ACSM3: variants seen among roughly 807,000 people sequenced by gnomAD.
ACSM3 encodes acyl-CoA synthetase medium chain family member 3.
ACSM3 carries 61 observed loss-of-function variants against 74.1 expected under a neutral mutation model. The ratio of observed to expected loss-of-function variants is 0.82; its 90% confidence interval spans 0.67 to 1.02. The LOEUF is 1.02. Among genes scored for constraint, ACSM3 ranks in the 50% least tolerant of loss-of-function variants. The pLI is 0.00. For missense variants in ACSM3, 660 were observed against 697.0 expected (o/e 0.95, Z 0.60); for synonymous variants, 213 against 241.5 (o/e 0.88, Z 1.09).
rs911408069 is a variant in ACSM3 at position 20,752,051 on chromosome 16, A to G, written c.-96+2048A>G. Among the ~76,000 whole-genome samples, 8 of 152,216 alleles carry G rather than the reference A, an allele frequency of 5.3e-5. 1 individual carries two copies. Among genetic ancestry groups the G allele is most frequent in the Non-Finnish European group, 1.0e-4 (7 of 68,034 alleles). On this transcript the variant is annotated intron_variant, in intron 2 of 3. Transcript: ENST00000561584. ...GAGAAATAAATGATATGAGCTATCT[A>G]AAACACTTGGCATACAGAAAACATT... is the stretch of plus-strand genomic sequence containing the variant.
intron 1 of ACSM3, among the ~76,000 whole-genome samples, chr16:20,708,365 A>G (rs2079733721): frequency 6.6e-6 from 1 of 152,226 alleles, no homozygotes; most frequent in African/African-American, 2.4e-5. Flanking sequence ...TTTTAATGGA[A>G]TCTTTAGAAT....
chr16:20,781,409 G>GT (rs1400903083), intron 6 of ACSM3, among the ~76,000 whole-genome samples: 1 of 152,058 alleles, frequency 6.6e-6, no homozygotes, highest in Admixed American at 6.6e-5. Context: ...AAAATACCAT[G>GT]TAACAAATAT....
intron 1 of ACSM3, among the ~76,000 whole-genome samples, chr16:20,742,835 C>T (rs1245669584): frequency 1.4e-5 from 2 of 145,498 alleles, no homozygotes; most frequent in Admixed American, 6.8e-5. Flanking sequence ...TCCCTTCTCC[C>T]CTTCCCATTG....
chr16:20,787,356 T>C (rs2080497334), intron 9 of ACSM3, among the ~76,000 whole-genome samples: 1 of 152,194 alleles, frequency 6.6e-6, no homozygotes, highest in Non-Finnish European at 1.5e-5. Flanking sequence ...TCGAACCATT[T>C]TAATTCAGAG....
intron 6 of ACSM3, 127 bp downstream of exon 6, chr16:20,781,257 A>G (rs1596523423): frequency 5.0e-6 from 6 of 1,206,386 alleles, no homozygotes; most frequent in Middle Eastern, 2.0e-4. Flanking sequence ...TCACATCCAG[A>G]AAGTCAATAA....
chr16:20,713,371 T>C (rs372852377), intron 1 of ACSM3, among the ~76,000 whole-genome samples: 1 of 152,290 alleles, frequency 6.6e-6, no homozygotes, highest in East Asian at 1.9e-4. Context: ...AATATACATC[T>C]CCATTAGTAA....
chr16:20,719,718 T>A (rs2079778783), intron 1 of ACSM3, among the ~76,000 whole-genome samples: 1 of 152,220 alleles, frequency 6.6e-6, no homozygotes, highest in African/African-American at 2.4e-5. Context: ...ACTTCATTTC[T>A]AATTCAGTGA....
chr16:20,741,826 G>C (rs1261954932), intron 1 of ACSM3: 15 of 1,539,890 alleles, frequency 9.7e-6, no homozygotes, highest in Non-Finnish European at 1.3e-5. Flanking sequence ...GGTGACGTCG[G>C]ATATGAGCGA....
chr16:20,684,812 T>C (rs960464501), intron 1 of ACSM3, among the ~76,000 whole-genome samples: 1 of 152,046 alleles, frequency 6.6e-6, no homozygotes, highest in African/African-American at 2.4e-5. Context: ...TTTAAAAAAG[T>C]AAGACTCTCT....
intron 2 of ACSM3, among the ~76,000 whole-genome samples, chr16:20,751,716 T>C (rs769275760): frequency 6.6e-5 from 10 of 152,198 alleles, no homozygotes; most frequent in Admixed American, 6.5e-5. Flanking sequence ...AATGGAAAGA[T>C]GGGGTTTCAT....
chr16:20,774,326 C>A (rs935635183), intron 2 of ACSM3, among the ~76,000 whole-genome samples: 1 of 150,288 alleles, frequency 6.7e-6, no homozygotes, highest in Non-Finnish European at 1.5e-5. Flanking sequence ...ACTGCAACCT[C>A]CGCCTCCCGG....
chr16:20,758,361 C>G (rs191224609), intron 3 of ACSM3, among the ~76,000 whole-genome samples: 6 of 152,110 alleles, frequency 3.9e-5, no homozygotes, highest in Admixed American at 6.5e-5. Context: ...GTTTAGCCTT[C>G]GGAGAGTGTA....
chr16:20,751,836 C>T (rs1314457239), intron 2 of ACSM3, among the ~76,000 whole-genome samples: 3 of 152,172 alleles, frequency 2.0e-5, no homozygotes, highest in Non-Finnish European at 4.4e-5. Context: ...TTGTCAAAAT[C>T]TTTGCTCCAG....
intron 7 of ACSM3, 125 bp from the exon 8 acceptor site, chr16:20,784,859 G>A: frequency 9.9e-7 from 1 of 1,010,578 alleles, no homozygotes; most frequent in Non-Finnish European, 1.4e-6. Flanking sequence ...GGTTTGTTTT[G>A]TGCTAGGGAG....
At chr16:20,690,358 G>A (rs2079631899) in intron 1 of ACSM3, among the ~76,000 whole-genome samples, 1 of 152,158 alleles carries the variant, frequency 6.6e-6, no homozygotes, top group Admixed American at 6.5e-5. Context: ...CTTGGTCTGT[G>A]TCTTGTGAGA....
At chr16:20,788,108 A>AT (rs576513584) in intron 9 of ACSM3, among the ~76,000 whole-genome samples, 13 of 151,888 alleles carry the variant, frequency 8.6e-5, no homozygotes, top group Non-Finnish European at 2.9e-5. Flanking sequence ...TTATTTATTT[A>AT]TTTTTTTATT....
At chr16:20,771,746 A>C (rs1208642707) in intron 2 of ACSM3, among the ~76,000 whole-genome samples, 2 of 152,206 alleles carry the variant, frequency 1.3e-5, no homozygotes, top group South Asian at 4.1e-4. Context: ...CTTTGAAAAA[A>C]TACCCAGTGG....
intron 8 of ACSM3, among the ~76,000 whole-genome samples, chr16:20,785,676 GA>G (rs1161683852): frequency 1.3e-5 from 2 of 151,948 alleles, no homozygotes; most frequent in African/African-American, 4.8e-5. Flanking sequence ...ATAGATAAGG[GA>G]AAAGTTGAAA....
Position 20,781,142 on chromosome 16 carries a change from CA to C in ACSM3, c.939+13del. Reference sequence around the variant, plus strand: ...CTTCTATCTTGCAAGTAAGCCAAAGCACAAAGAGGTCAATATTTAGAAATGC... The same window carrying C: ...CTTCTATCTTGCAAGTAAGCCAAAGCCAAAGAGGTCAATATTTAGAAATGC... On this transcript the variant is annotated intron_variant, in intron 6 of 13. Coordinates refer to ENST00000289416, the MANE Select transcript of ACSM3 (RefSeq NM_005622.4). The C allele has an allele frequency of 1.2e-6, 2 of 1,613,264 alleles. No individual in the cohort carries two copies. Among genetic ancestry groups the C allele is most frequent in the African/African-American group, 2.7e-5 (2 of 74,976 alleles).
Sources: gnomAD v4.1 joint callset for allele counts (sites outside exome capture counted in the v4.1 genomes callset) on GRCh38, gnomAD v4.1.1 for gene constraint, MANE v1.5 for transcripts, NCBI Gene and HGNC (gene_info 2026-07-23, HGNC 2026-07-21) for gene names.